The following ASAP2 variants were observed in gnomAD, a reference collection of about 807,000 sequenced individuals.
ASAP2 encodes the protein arf-GAP with SH3 domain, ANK repeat and PH domain-containing protein 2.
ASAP2 carries 45 observed loss-of-function variants against 131.4 expected under a neutral mutation model. That is an observed-to-expected ratio of 0.34 (90% CI 0.27 to 0.44). ASAP2 has a LOEUF of 0.44. ASAP2 is among the 20% of genes least tolerant of loss of function. ASAP2 has a pLI of 1.00. For missense variants in ASAP2, 1,011 were observed against 1,297.0 expected, an observed-to-expected ratio of 0.78 and a Z score of 3.39; for synonymous variants, 510 against 503.0, an observed-to-expected ratio of 1.01 and a Z score of -0.19.
At chr2:9,257,149 G>A (rs1245333747) in intron 1 of ASAP2, among the ~76,000 whole-genome samples, 2 of 152,210 alleles carry the variant, frequency 1.3e-5, no homozygotes, top group Non-Finnish European at 2.9e-5. Flanking sequence ...GTGTTTACAC[G>A]TGTCGGGCAT....
chr2:9,250,312 C>T (rs1664617172), intron 1 of ASAP2, among the ~76,000 whole-genome samples: 1 of 152,200 alleles, frequency 6.6e-6, no homozygotes, highest in Non-Finnish European at 1.5e-5. Context: ...CCACAGACTT[C>T]CTGCCTAGGC....
At chr2:9,301,820 C>CTT (rs1177064910) in intron 3 of ASAP2, among the ~76,000 whole-genome samples, 28,606 of 115,246 alleles carry the variant, frequency 0.25, 4,480 homozygotes, top group Non-Finnish European at 0.34. Context: ...TATCCATCAT[C>CTT]TTTTTTTTTT....
chr2:9,316,952 C>G (rs1669716789), intron 3 of ASAP2, among the ~76,000 whole-genome samples: 1 of 119,772 alleles, frequency 8.3e-6, no homozygotes, highest in Non-Finnish European at 1.8e-5. Context: ...CACTCTCACA[C>G]CCTCCCACAC....
At chr2:9,400,909 C>T (rs1165590332) in intron 26 of ASAP2, 79 bp downstream of exon 26, 6 of 1,366,070 alleles carry the variant, frequency 4.4e-6, no homozygotes, top group Non-Finnish European at 6.2e-6. Context: ...TCAGGGGAAG[C>T]AAGTCTTCCC....
chr2:9,235,596 G>T (rs1663494087), intron 1 of ASAP2, among the ~76,000 whole-genome samples: 1 of 152,130 alleles, frequency 6.6e-6, no homozygotes, highest in Non-Finnish European at 1.5e-5. Flanking sequence ...AAATGGAGGA[G>T]GGAGAACTGG....
intron 7 of ASAP2, among the ~76,000 whole-genome samples, chr2:9,332,644 G>T (rs1670922367): frequency 6.6e-6 from 1 of 152,162 alleles, no homozygotes; most frequent in Admixed American, 6.5e-5. Flanking sequence ...GAATTGCCAG[G>T]TCGCAAAGAT....
chr2:9,237,414 C>CTTTTTT (rs35375516), intron 1 of ASAP2, among the ~76,000 whole-genome samples: 2 of 131,974 alleles, frequency 1.5e-5, no homozygotes, highest in African/African-American at 2.8e-5. Context: ...GTCTTTTGGT[C>CTTTTTT]TTTTTTTTTT....
intron 2 of ASAP2, among the ~76,000 whole-genome samples, 163 bp from the exon 3 acceptor site, chr2:9,297,134 GGTT>G (rs1668198990): frequency 6.6e-6 from 1 of 152,160 alleles, no homozygotes; most frequent in African/African-American, 2.4e-5. Context: ...CGGCACCACG[GGTT>G]GTTGTTGGGA....
At chr2:9,378,034 T>G (rs989263407) in intron 18 of ASAP2, among the ~76,000 whole-genome samples, 1 of 152,166 alleles carries the variant, frequency 6.6e-6, no homozygotes, top group Admixed American at 6.5e-5. Flanking sequence ...TTTCTTTTTT[T>G]CCAGAGTGGA....
At chr2:9,334,916 G>T in intron 8 of ASAP2, 103 bp downstream of exon 8, 1 of 1,421,832 alleles carries the variant, frequency 7.0e-7, no homozygotes, top group South Asian at 1.2e-5. Context: ...ATGCCGTGCC[G>T]CCCACGTGGA....
Position 9,232,220 on chromosome 2 carries a change from A to C in ASAP2, c.126+24990A>C, listed in dbSNP as rs752221687. Among the ~76,000 whole-genome samples the C allele has an allele frequency of 2.6e-5, 4 of 151,706 alleles. No individual in the cohort carries two copies. Among genetic ancestry groups the C allele is most frequent in the Non-Finnish European group, 5.9e-5 (4 of 67,922 alleles). ...CCCTGCCTCCCTCCCACCCCATCTC[A>C]TCCATGCCTGTCCTCTGTGTCAACA... On this transcript the variant is annotated intron_variant, in intron 1 of 27. Coordinates refer to ENST00000281419, the MANE Select transcript of ASAP2 (RefSeq NM_003887.3). This position sits in a 1 kb window ranked among gnomAD's most constrained non-coding sequence, Gnocchi z 4.1.
At chr2:9,328,223 G>T (rs550743774) in intron 7 of ASAP2, among the ~76,000 whole-genome samples, 1 of 152,274 alleles carries the variant, frequency 6.6e-6, no homozygotes, top group Non-Finnish European at 1.5e-5. Flanking sequence ...GGCTGCTAAC[G>T]GGTATAGGGT....
intron 1 of ASAP2, among the ~76,000 whole-genome samples, chr2:9,258,232 G>A (rs535164631): frequency 2.3e-5 from 3 of 127,794 alleles, no homozygotes; most frequent in South Asian, 2.5e-4. Context: ...GTGACAGAGC[G>A]ATACTTCATC....
rs778928416 is a variant in ASAP2, at chr2:9,401,412, G to A, written c.2946+16G>A. Reference sequence around the variant, plus strand: ...GGAGTGGTGGGTGAGTCAAGGGTGGGCCTGGGAGGTTCCTGGGGGCTGAGC... The same window carrying A: ...GGAGTGGTGGGTGAGTCAAGGGTGGACCTGGGAGGTTCCTGGGGGCTGAGC... On this transcript the variant is annotated intron_variant, in intron 27 of 27. Coordinates refer to ENST00000281419, the MANE Select transcript of ASAP2 (RefSeq NM_003887.3). 6.2e-7 allele frequency: 1 copy of A among 1,611,604 alleles called. No individual in the cohort carries two copies. The highest frequency in any genetic ancestry group is 1.1e-5 in the South Asian group (1 of 90,794).
intron 3 of ASAP2, among the ~76,000 whole-genome samples, chr2:9,310,041 C>G (rs1357982273): frequency 6.6e-6 from 1 of 152,186 alleles, no homozygotes; most frequent in Non-Finnish European, 1.5e-5. Context: ...ATGCTGCAGC[C>G]TCTGCTAAGA....
intron 15 of ASAP2, among the ~76,000 whole-genome samples, chr2:9,367,520 G>C (rs984411366): frequency 6.6e-6 from 1 of 152,130 alleles, no homozygotes; most frequent in African/African-American, 2.4e-5. Context: ...CAGCACTTTG[G>C]GAGGCTGAGG....
At chr2:9,238,857 A>G (rs1384107627) in intron 1 of ASAP2, among the ~76,000 whole-genome samples, 1 of 152,040 alleles carries the variant, frequency 6.6e-6, no homozygotes, top group Non-Finnish European at 1.5e-5. Flanking sequence ...TTTTTTGTAG[A>G]TTGCCTGGCA....
rs1438665453 is a variant in ASAP2 at position 9,405,551 on chromosome 2, G to A, written c.*2224G>A. The A allele has an allele frequency of 1.3e-5, 2 of 152,540 alleles. No individual in the cohort carries two copies. The highest frequency in any genetic ancestry group is 2.4e-5 in the African/African-American group (1 of 41,422). 9.4% of individuals were successfully genotyped at this position (152,540 alleles called of 1,614,324 possible). A position where few individuals can be genotyped will look rare whatever the true frequency, so the allele number is the denominator to read the frequency against. Reference sequence around the variant, plus strand: ...TGGTTGCAGCACAACTGTATATATTGTATAACCGAAATTGATTATTTTCAT... The same window carrying A: ...TGGTTGCAGCACAACTGTATATATTATATAACCGAAATTGATTATTTTCAT... On this transcript the variant is annotated 3_prime_UTR_variant, in exon 28 of 28. Transcript: ENST00000281419.
chr2:9,316,987 CCA>C (rs2148483905), intron 3 of ASAP2, among the ~76,000 whole-genome samples: 2 of 144,060 alleles, frequency 1.4e-5, no homozygotes, highest in East Asian at 2.1e-4. Flanking sequence ...CCTCTCATGT[CCA>C]CTCTCATACA....
Sources: gnomAD v4.1 joint callset for allele counts (sites outside exome capture counted in the v4.1 genomes callset) on GRCh38, gnomAD v4.1.1 for gene constraint, Gnocchi (gnomAD v3.1) non-coding constraint, MANE v1.5 for transcripts, NCBI Gene and HGNC (gene_info 2026-07-23, HGNC 2026-07-21) for gene names.